Variants in TNS3 observed in about 807,000 individuals in gnomAD.
The protein encoded by TNS3 is tensin 3.
Under a neutral mutation model 140.9 loss-of-function variants are expected in TNS3, and 45 were observed. The observed-to-expected ratio is 0.32, with a 90% CI of 0.25 to 0.41. The LOEUF is 0.41. Among genes scored for constraint, TNS3 ranks in the 10% least tolerant of loss-of-function variants. The pLI is 1.00. For missense variants in TNS3, 1,716 were observed against 1,906.7 expected, an observed-to-expected ratio of 0.90 and a Z score of 1.86; for synonymous variants, 815 against 788.4, an observed-to-expected ratio of 1.03 and a Z score of -0.56.
intron 17 of TNS3, among the ~76,000 whole-genome samples, chr7:47,363,853 T>C (rs773290289): frequency 6.6e-6 from 1 of 152,210 alleles, no homozygotes; most frequent in Non-Finnish European, 1.5e-5. Flanking sequence ...GGGCATGTCA[T>C]GAGCCTTTTG....
chr7:47,515,072 T>A (rs1221386935), intron 2 of TNS3, among the ~76,000 whole-genome samples: 2 of 152,248 alleles, frequency 1.3e-5, no homozygotes, highest in African/African-American at 4.8e-5. Flanking sequence ...CATTGCTCAA[T>A]GTCATTTCTA....
chr7:47,442,576 C>T (rs1795520393), intron 4 of TNS3, among the ~76,000 whole-genome samples: 1 of 152,150 alleles, frequency 6.6e-6, no homozygotes, highest in Non-Finnish European at 1.5e-5. Context: ...ACTATGGTGA[C>T]AGAGATCTAC....
At chr7:47,551,427 T>C (rs2151981695) in intron 1 of TNS3, among the ~76,000 whole-genome samples, 1 of 152,226 alleles carries the variant, frequency 6.6e-6, no homozygotes, top group South Asian at 2.1e-4. Context: ...GCACAAAACG[T>C]CATGTGGCTG....
intron 1 of TNS3, among the ~76,000 whole-genome samples, chr7:47,545,489 GGA>G (rs1799897392): frequency 6.6e-6 from 1 of 152,130 alleles, no homozygotes; most frequent in East Asian, 1.9e-4. Flanking sequence ...CAAGGCTCTA[GGA>G]AGTTTAACAA....
At chr7:47,330,800 G>C (rs549590654) in intron 20 of TNS3, among the ~76,000 whole-genome samples, 1 of 151,988 alleles carries the variant, frequency 6.6e-6, no homozygotes, top group Non-Finnish European at 1.5e-5. Context: ...TAAAGGTCTC[G>C]CAGCCTCCAT....
rs1340891069 is a variant in TNS3 at position 47,574,615 on chromosome 7, C to T, written c.-265+7436G>A. ...CAGATGAATGGATAAACAAAATGTG[C>T]TATTCATACAGACACACACACACAC... On this transcript the variant is annotated intron_variant, in intron 1 of 30. Coordinates refer to ENST00000311160, the MANE Select transcript of TNS3 (RefSeq NM_022748.12). Among the ~76,000 whole-genome samples, 28 of 131,434 alleles carry T rather than the reference C, an allele frequency of 2.1e-4. No individual in the cohort carries two copies. The Admixed American group carries it at 2.2e-3, about 10-fold the overall frequency. 86.2% of individuals were successfully genotyped at this position (131,434 alleles called of 152,430 possible).
intron 27 of TNS3, among the ~76,000 whole-genome samples, chr7:47,285,031 A>G (rs552912187): frequency 6.6e-6 from 1 of 152,272 alleles, no homozygotes; most frequent in East Asian, 1.9e-4. Flanking sequence ...GTGGTTTGGC[A>G]GGTATGTTGG....
intron 1 of TNS3, among the ~76,000 whole-genome samples, chr7:47,553,421 T>G (rs1431871248): frequency 6.6e-6 from 1 of 152,238 alleles, no homozygotes; most frequent in Non-Finnish European, 1.5e-5. Flanking sequence ...AACTAATGCC[T>G]GGAAGTTGAA....
chr7:47,296,980 G>A (rs1786061321), intron 24 of TNS3, 102 bp downstream of exon 24: 5 of 1,387,226 alleles, frequency 3.6e-6, no homozygotes, highest in Admixed American at 2.4e-5. Context: ...TAAAATTTGT[G>A]AGTATTGTTA....
At chr7:47,465,474 G>C (rs543557361) in intron 4 of TNS3, among the ~76,000 whole-genome samples, 1 of 152,114 alleles carries the variant, frequency 6.6e-6, no homozygotes, top group Non-Finnish European at 1.5e-5. Flanking sequence ...GTAGAGACAC[G>C]CGGATCAGAA....
chr7:47,461,334 C>T (rs1333301280), intron 4 of TNS3, among the ~76,000 whole-genome samples: 3 of 152,362 alleles, frequency 2.0e-5, no homozygotes, highest in South Asian at 2.1e-4. Context: ...AGGCTTCCCA[C>T]CAACCATGGA....
intron 17 of TNS3, among the ~76,000 whole-genome samples, chr7:47,347,655 C>T (rs923641930): frequency 2.0e-5 from 3 of 152,062 alleles, no homozygotes; most frequent in African/African-American, 4.8e-5. Flanking sequence ...CACACAACAG[C>T]GACCAAGCAA....
chr7:47,528,155 GC>G (rs1799266348), intron 2 of TNS3, among the ~76,000 whole-genome samples: 1 of 152,062 alleles, frequency 6.6e-6, no homozygotes, highest in African/African-American at 2.4e-5. Flanking sequence ...CCACACTCAG[GC>G]CTTTGAACTG....
At chr7:47,336,207 A>G (rs962161422) in intron 20 of TNS3, among the ~76,000 whole-genome samples, 3 of 148,204 alleles carry the variant, frequency 2.0e-5, no homozygotes, top group Admixed American at 6.7e-5. Context: ...AAAAAAAAAA[A>G]GGCAGTGAAT....
In TNS3 at chr7:47,454,656, G is replaced by A. The variant is rs950134633; in HGVS notation, c.-75-12601C>T. On this transcript the variant is annotated intron_variant, in intron 4 of 30. Transcript: ENST00000311160. ...GGTGTGGCACCCTGAGGACAGGCCA[G>A]TTTATTCCTTACTTCATGGTGACAG... is the stretch of plus-strand genomic sequence containing the variant. 2.0e-5 allele frequency among the ~76,000 whole-genome samples: 3 copies of A among 152,256 alleles called. No individual in the cohort carries two copies. In the East Asian group the frequency reaches 5.8e-4, roughly 29 times the overall value.
intron 17 of TNS3, among the ~76,000 whole-genome samples, chr7:47,357,528 C>G (rs1321037470): frequency 6.6e-6 from 1 of 152,176 alleles, no homozygotes; most frequent in Non-Finnish European, 1.5e-5. Flanking sequence ...GACTGATTGA[C>G]CAGCCCCTTC....
chr7:47,503,548 C>T (rs986407903), intron 3 of TNS3, among the ~76,000 whole-genome samples: 1 of 152,074 alleles, frequency 6.6e-6, no homozygotes, highest in Non-Finnish European at 1.5e-5. Flanking sequence ...CAGTTGAAAT[C>T]CCAAACTTTC....
At chr7:47,326,751 A>G (rs113330866) in intron 20 of TNS3, among the ~76,000 whole-genome samples, 3,542 of 152,276 alleles carry the variant, frequency 0.023, 125 homozygotes, top group African/African-American at 0.076. Flanking sequence ...AAAAATTACT[A>G]ATGTATATAA....
At chr7:47,519,687 C>G (rs1219446748) in intron 2 of TNS3, among the ~76,000 whole-genome samples, 2 of 152,170 alleles carry the variant, frequency 1.3e-5, no homozygotes, top group African/African-American at 4.8e-5. Flanking sequence ...CCACAGTGAG[C>G]TGGCTGGAGG....
Sources: gnomAD v4.1 joint callset for allele counts (sites outside exome capture counted in the v4.1 genomes callset) on GRCh38, gnomAD v4.1.1 for gene constraint, MANE v1.5 for transcripts, NCBI Gene and HGNC (gene_info 2026-07-23, HGNC 2026-07-21) for gene names.